BBS4: variants seen among roughly 807,000 people sequenced by gnomAD.
The protein encoded by BBS4 is BBSome complex member BBS4.
In BBS4, 58 loss-of-function variants were observed where a neutral mutation model predicts 71.4. The ratio of observed to expected loss-of-function variants is 0.81; its 90% CI spans 0.66 to 1.01. The LOEUF (loss-of-function observed/expected upper bound fraction) is 1.01, where lower values mean the gene tolerates loss of function less well. Ranked by LOEUF, BBS4 falls within the 50% of genes least tolerant of loss-of-function variation. BBS4 has a pLI of 0.00. For missense variants in BBS4, 660 were observed against 607.9 expected (o/e 1.09, Z -0.90); for synonymous variants, 228 against 216.8 (o/e 1.05, Z -0.46).
At chr15:72,705,533 A>G (rs1342406236) in intron 2 of BBS4, among the ~76,000 whole-genome samples, 2 of 149,440 alleles carry the variant, frequency 1.3e-5, no homozygotes, top group Non-Finnish European at 3.0e-5. Flanking sequence ...TACCTTACAA[A>G]TTGAACACTT....
chr15:72,731,629 C>T lies in BBS4; in HGVS notation c.939C>T (p.Val313=), dbSNP rs1191157548. The T allele has an allele frequency of 6.2e-7, 1 of 1,614,174 alleles. No individual in the cohort carries two copies. The highest frequency in any genetic ancestry group is 8.5e-7 in the Non-Finnish European group (1 of 1,180,014). Residue 313 remains valine (V), a synonymous_variant, in exon 12 of 16, where the codon GTC becomes GTT. Transcript: ENST00000268057. ...AGATTCTGTATAATTTGGGCCTTGT[C>T]CATTTGACCATGCAGCAGTATGCAT... is the stretch of plus-strand genomic sequence containing the variant. ...DWKILYNLGL[V]HLTMQQYASA...
intron 3 of BBS4, among the ~76,000 whole-genome samples, chr15:72,711,980 TC>T (rs1322807456): frequency 6.6e-6 from 1 of 151,832 alleles, no homozygotes; most frequent in African/African-American, 2.4e-5. Context: ...CGATTCTCCT[TC>T]CTCAGCCTCC....
intron 7 of BBS4, among the ~76,000 whole-genome samples, chr15:72,723,613 A>G (rs904531045): frequency 2.6e-5 from 4 of 152,228 alleles, no homozygotes; most frequent in African/African-American, 4.8e-5. Flanking sequence ...CAATTTGCAG[A>G]CTGGTGTAAC....
At chr15:72,727,877 G>A in intron 8 of BBS4, 63 bp from the exon 9 acceptor site, 1 of 1,232,128 alleles carries the variant, frequency 8.1e-7, no homozygotes, top group Non-Finnish European at 1.2e-6. Context: ...GCATATTACT[G>A]TGCATGTGTC....
At chr15:72,695,279 T>A (rs1047426409) in intron 2 of BBS4, 51 bp downstream of exon 2, 2 of 1,263,400 alleles carry the variant, frequency 1.6e-6, no homozygotes, top group African/African-American at 3.0e-5. Flanking sequence ...CAGATTTCTC[T>A]TTTATTTATT....
chr15:72,708,948 G>C (rs938298694), intron 2 of BBS4, among the ~76,000 whole-genome samples: 2 of 152,176 alleles, frequency 1.3e-5, no homozygotes, highest in Admixed American at 6.5e-5. Context: ...AAGACAATTT[G>C]TGCACCGCTG....
At chr15:72,706,118 AC>A (rs2065260413) in intron 2 of BBS4, among the ~76,000 whole-genome samples, 1 of 152,032 alleles carries the variant, frequency 6.6e-6, no homozygotes. Flanking sequence ...TTAGTAAGCT[AC>A]TTGTCCCAGA....
At chr15:72,735,301 T>A in intron 13 of BBS4, 119 bp downstream of exon 13, 1 of 770,532 alleles carries the variant, frequency 1.3e-6, no homozygotes, top group Non-Finnish European at 2.3e-6. Flanking sequence ...ATGGCATTAG[T>A]ACATAGCAGA....
At chr15:72,725,785 CTCCTT>C (rs2065667382) in intron 8 of BBS4, among the ~76,000 whole-genome samples, 1 of 49,378 alleles carries the variant, frequency 2.0e-5, no homozygotes, top group Non-Finnish European at 3.8e-5. Flanking sequence ...CTTCCCCTTC[CTCCTT>C]CCCTCTTCCC....
intron 6 of BBS4, among the ~76,000 whole-genome samples, chr15:72,719,288 A>G (rs1335406178): frequency 6.8e-6 from 1 of 147,236 alleles, no homozygotes; most frequent in Non-Finnish European, 1.5e-5. Flanking sequence ...TTTAAGAGAC[A>G]AGGTTGCCTA....
At chr15:72,710,195 G>GTTTTTTTTTTTTT (rs66684005) in intron 3 of BBS4, among the ~76,000 whole-genome samples, 6 of 103,440 alleles carry the variant, frequency 5.8e-5, no homozygotes, top group African/African-American at 2.2e-4. Flanking sequence ...ATTTTGTCGA[G>GTTTTTTTTTTTTT]TTTTTTTTTT....
chr15:72,716,088 G>A (rs2065464274), intron 5 of BBS4, among the ~76,000 whole-genome samples: 1 of 152,200 alleles, frequency 6.6e-6, no homozygotes, highest in African/African-American at 2.4e-5. Context: ...ATGTCTGGTA[G>A]AGTAGATGTA....
chr15:72,714,209 C>T (rs1216794117), intron 4 of BBS4, among the ~76,000 whole-genome samples: 3 of 148,694 alleles, frequency 2.0e-5, no homozygotes, highest in African/African-American at 4.9e-5. Context: ...AAGATAAGGA[C>T]CACTCACTTA....
At chr15:72,735,991 A>G (rs947461627) in intron 14 of BBS4, 25 bp downstream of exon 14, 1 of 1,613,804 alleles carries the variant, frequency 6.2e-7, no homozygotes, top group African/African-American at 1.3e-5. Context: ...AGCTCCCAAG[A>G]GTCATAAGTA....
rs367699151 is a variant in BBS4 at position 72,731,311 on chromosome 15, T to C, written c.718T>C (p.Leu240=). 1.9e-6 allele frequency: 3 copies of C among 1,614,148 alleles called. No homozygotes were observed. Among genetic ancestry groups the C allele is most frequent in the Non-Finnish European group, 2.5e-6 (3 of 1,180,022 alleles). The change falls in exon 11 of 16, where the codon TTG becomes CTG. Residue 240 remains leucine, a synonymous_variant. Coordinates refer to ENST00000268057, the MANE Select transcript of BBS4 (RefSeq NM_033028.5). ...TYDPTNYKAI[L]AAGSMMQTHG... ...CTCTGTGCCATGTTTTCAGGCCATC[T>C]TGGCAGCAGGCAGCATGATGCAGAC...
rs966852557 is a variant in BBS4, at chr15:72,698,603, A to G, written c.76+3375A>G. 3.4e-4 allele frequency among the ~76,000 whole-genome samples: 52 copies of G among 152,282 alleles called. 1 individual carries two copies. The highest frequency in any genetic ancestry group is 2.9e-4 in the African/African-American group (12 of 41,572). On this transcript the variant is annotated intron_variant, in intron 2 of 15. Coordinates refer to ENST00000268057, the MANE Select transcript of BBS4 (RefSeq NM_033028.5). ...GGCTGAATAATATTCTAGTGTATGT[A>G]TATATCACATTTTGTTTATCTGTCT...
At chr15:72,701,045 T>A (rs184298827) in intron 2 of BBS4, among the ~76,000 whole-genome samples, 1 of 152,276 alleles carries the variant, frequency 6.6e-6, no homozygotes, top group East Asian at 1.9e-4. Flanking sequence ...AGTAAACATA[T>A]CCATGTAATC....
intron 6 of BBS4, among the ~76,000 whole-genome samples, chr15:72,721,171 A>T (rs1183907761): frequency 3.3e-5 from 5 of 152,246 alleles, no homozygotes; most frequent in South Asian, 2.1e-4. Context: ...AATAAAAAAA[A>T]TTTTTAAATG....
In BBS4 at chr15:72,731,647, G is replaced by C. The variant is rs746939524; in HGVS notation, c.957G>C (p.Gln319His). The C allele has an allele frequency of 6.2e-7, 1 of 1,614,214 alleles. No individual in the cohort carries two copies. The highest frequency in any genetic ancestry group is 1.1e-5 in the South Asian group (1 of 91,084). The change falls in exon 12 of 16, where the codon CAG (glutamine) becomes CAC (histidine). Residue 319 changes from glutamine (Q) to histidine (H), a missense_variant. Gln to His is a conservative substitution (Grantham distance 24, BLOSUM62 0). Transcript: ENST00000268057. The part of the protein sequence containing the change: ...NLGLVHLTMQ[Q>H]YASAFHFLSA... Reference sequence around the variant, plus strand: ...GCCTTGTCCATTTGACCATGCAGCAGTATGCATCAGCTTTTCATTTTCTCA... The same window carrying C: ...GCCTTGTCCATTTGACCATGCAGCACTATGCATCAGCTTTTCATTTTCTCA...
Sources: allele counts gnomAD v4.1 joint callset (sites outside exome capture counted in the v4.1 genomes callset), GRCh38; gene constraint gnomAD v4.1.1; transcripts MANE v1.5; gene names NCBI Gene and HGNC (gene_info 2026-07-23, HGNC 2026-07-21).